The following GSE1 variants were observed in gnomAD, a reference collection of about 807,000 sequenced individuals.
GSE1 encodes genetic suppressor element 1.
In GSE1, 32 loss-of-function variants were observed where a neutral mutation model predicts 112.6. The ratio of observed to expected loss-of-function variants is 0.28; its 90% CI spans 0.21 to 0.38. The LOEUF (loss-of-function observed/expected upper bound fraction) is 0.38. Among genes scored for constraint, GSE1 ranks in the 10% least tolerant of loss-of-function variants. The pLI is 1.00. For missense variants in GSE1, 2,348 were observed against 1,699.2 expected, an observed-to-expected ratio of 1.38 and a Z score of -6.71; for synonymous variants, 1,115 against 735.6, an observed-to-expected ratio of 1.52 and a Z score of -8.35.
chr16:85,529,152 C>G (rs771225775), intron 2 of GSE1, among the ~76,000 whole-genome samples: 1 of 151,698 alleles, frequency 6.6e-6, no homozygotes, highest in African/African-American at 2.4e-5. Flanking sequence ...GGTCCAATTC[C>G]GGATGTGCAG....
At chr16:85,644,636 A>T (rs573074983) in intron 2 of GSE1, among the ~76,000 whole-genome samples, 2 of 152,154 alleles carry the variant, frequency 1.3e-5, no homozygotes, top group African/African-American at 4.8e-5. Flanking sequence ...CGGAGAGCCA[A>T]TGCGTGCGGG....
chr16:85,665,899 G>A (rs1161018220), intron 12 of GSE1, 77 bp from the exon 13 acceptor site: 35 of 1,408,448 alleles, frequency 2.5e-5, no homozygotes, highest in Non-Finnish European at 3.2e-5. Flanking sequence ...AAGCTCTAGA[G>A]ACCAGGATCT....
chr16:85,641,271 G>C (rs1348557670), intron 2 of GSE1, among the ~76,000 whole-genome samples: 3 of 152,248 alleles, frequency 2.0e-5, no homozygotes, highest in Non-Finnish European at 4.4e-5. Context: ...GGCTCCCAGG[G>C]TCCAGCATCT....
At chr16:85,420,870 G>A (rs1252748417) in intron 2 of GSE1, among the ~76,000 whole-genome samples, 1 of 152,120 alleles carries the variant, frequency 6.6e-6, no homozygotes, top group Non-Finnish European at 1.5e-5. Context: ...CCTCCACACG[G>A]GGGCGCCCCT....
intron 1 of GSE1, among the ~76,000 whole-genome samples, chr16:85,301,612 C>CAGGG (rs1345804036): frequency 6.6e-6 from 1 of 152,240 alleles, no homozygotes; most frequent in African/African-American, 2.4e-5. Flanking sequence ...GATTTTTAAA[C>CAGGG]AGGGACAGTG....
chr16:85,470,415 C>G (rs1406540503), intron 2 of GSE1, among the ~76,000 whole-genome samples: 6 of 145,726 alleles, frequency 4.1e-5, no homozygotes, highest in African/African-American at 1.6e-4. Flanking sequence ...AGGCCCCGGA[C>G]GCAGAGCTGG....
chr16:85,299,783 G>A (rs2045467690), intron 1 of GSE1, among the ~76,000 whole-genome samples: 1 of 151,780 alleles, frequency 6.6e-6, no homozygotes, highest in South Asian at 2.1e-4. Flanking sequence ...TTAAAAATAA[G>A]AAAAAATTTA....
intron 2 of GSE1, among the ~76,000 whole-genome samples, chr16:85,424,864 T>G (rs1401424332): frequency 2.0e-5 from 3 of 152,212 alleles, no homozygotes; most frequent in Non-Finnish European, 2.9e-5. Context: ...CAGCGATCAG[T>G]GGAAAAATCA....
At chr16:85,598,143 C>G (rs962724746) in intron 1 of GSE1, among the ~76,000 whole-genome samples, 2 of 146,916 alleles carry the variant, frequency 1.4e-5, no homozygotes, top group African/African-American at 5.1e-5. Flanking sequence ...CTCTCTCTTT[C>G]TCTCCCAGGC....
intron 1 of GSE1, among the ~76,000 whole-genome samples, chr16:85,245,201 AC>A: frequency 6.6e-6 from 1 of 152,216 alleles, no homozygotes; most frequent in African/African-American, 2.4e-5. Context: ...CCCTGGCTCC[AC>A]TCACCATAAA....
chr16:85,477,587 G>A (rs1293632265), intron 2 of GSE1, among the ~76,000 whole-genome samples: 6 of 148,858 alleles, frequency 4.0e-5, no homozygotes, highest in Non-Finnish European at 5.9e-5. Context: ...TTGAGATGGA[G>A]TCTCGCTCTG....
chr16:85,347,936 C>A (rs1160771762), intron 1 of GSE1, among the ~76,000 whole-genome samples: 5 of 152,204 alleles, frequency 3.3e-5, no homozygotes, highest in African/African-American at 7.2e-5. Context: ...CAGGGACTTT[C>A]TTGTCTTCCA....
chr16:85,207,452 G>C (rs2075138908), intron 1 of GSE1, among the ~76,000 whole-genome samples: 1 of 152,256 alleles, frequency 6.6e-6, no homozygotes, highest in Non-Finnish European at 1.5e-5. Context: ...CAGTGGACAT[G>C]ACAGATGCAC....
intron 2 of GSE1, among the ~76,000 whole-genome samples, chr16:85,371,055 C>T (rs998606439): frequency 1.3e-5 from 2 of 152,184 alleles, no homozygotes; most frequent in Non-Finnish European, 2.9e-5. Flanking sequence ...TTGCGCCCCA[C>T]ACTGAGTTGT....
At chr16:85,560,035 G>A (rs902884074) in intron 1 of GSE1, among the ~76,000 whole-genome samples, 14 of 150,914 alleles carry the variant, frequency 9.3e-5, no homozygotes, top group African/African-American at 3.2e-4. Context: ...AGTGATAACT[G>A]TAATAATAAT....
intron 2 of GSE1, among the ~76,000 whole-genome samples, chr16:85,374,820 G>C (rs374678582): frequency 6.6e-6 from 1 of 152,136 alleles, no homozygotes; most frequent in East Asian, 1.9e-4. Flanking sequence ...CCTCACTGAG[G>C]ACGGACAGCC....
intron 2 of GSE1, among the ~76,000 whole-genome samples, chr16:85,367,692 G>A (rs549489800): frequency 6.6e-6 from 1 of 152,340 alleles, no homozygotes; most frequent in South Asian, 2.1e-4. Context: ...GGCGGGGACC[G>A]TGGCTCCCTG....
chr16:85,340,209 G>A (rs2046594826), intron 1 of GSE1, among the ~76,000 whole-genome samples: 1 of 152,130 alleles, frequency 6.6e-6, no homozygotes, highest in African/African-American at 2.4e-5. Flanking sequence ...AATTAGCCGG[G>A]TGTGGTGGCG....
At chr16:85,473,600 C>T (rs1447292542) in intron 2 of GSE1, among the ~76,000 whole-genome samples, 2 of 152,184 alleles carry the variant, frequency 1.3e-5, no homozygotes, top group Admixed American at 6.5e-5. Flanking sequence ...GTTGCCTTTG[C>T]GCTTTGTCTC....
Sources: gnomAD v4.1 joint callset for allele counts (sites outside exome capture counted in the v4.1 genomes callset) on GRCh38, gnomAD v4.1.1 for gene constraint, MANE v1.5 for transcripts, NCBI Gene and HGNC (gene_info 2026-07-23, HGNC 2026-07-21) for gene names.